The following ADAM10 variants were observed in gnomAD, a reference collection of about 807,000 sequenced individuals.
ADAM10 encodes the protein ADAM metallopeptidase domain 10, also known as disintegrin and metalloproteinase domain-containing protein 10.
A neutral mutation model predicts 90.1 loss-of-function variants in ADAM10; 17 were observed. The observed-to-expected ratio is 0.19, with a 90% CI of 0.13 to 0.28. The LOEUF (loss-of-function observed/expected upper bound fraction) is 0.28, where lower values mean the gene tolerates loss of function less well. ADAM10 is among the 10% of genes least tolerant of loss of function. The pLI, the probability that ADAM10 is intolerant of heterozygous loss-of-function variation, is 1.00. For missense variants in ADAM10, 610 were observed against 914.3 expected (o/e 0.67, Z 4.29); for synonymous variants, 310 against 298.6 (o/e 1.04, Z -0.40).
rs543003722 is a variant in ADAM10, at chr15:58,592,769, A to G, written c.*4778T>C. On this transcript the variant is annotated 3_prime_UTR_variant, in exon 16 of 16. Coordinates refer to ENST00000260408, the MANE Select transcript of ADAM10 (RefSeq NM_001110.4). ...TCTGATTTAATATATATATATATAT[A>G]TATTAAATCGTGGTAGTATAACTTG... The G allele has an allele frequency of 6.7e-5, 10 of 150,138 alleles. No individual in the cohort carries two copies. Among genetic ancestry groups the G allele is most frequent in the African/African-American group, 2.2e-4 (9 of 41,190 alleles). The allele number at this position is 150,138 out of a possible 1,614,324, so 9.3% of individuals were successfully genotyped here.
chr15:58,629,068 T>C (rs1177115692), intron 9 of ADAM10, among the ~76,000 whole-genome samples: 2 of 152,242 alleles, frequency 1.3e-5, no homozygotes, highest in Non-Finnish European at 2.9e-5. Flanking sequence ...AGCACTAGAA[T>C]TATTCTCAGC....
chr15:58,665,601 T>TA (rs1897060177), intron 4 of ADAM10, among the ~76,000 whole-genome samples: 1 of 152,064 alleles, frequency 6.6e-6, no homozygotes, highest in South Asian at 2.1e-4. Context: ...CTAGCAAATA[T>TA]AAAAGAGAAC....
At chr15:58,648,753 GTTATAATATTAC>G (rs1896615270) in intron 5 of ADAM10, among the ~76,000 whole-genome samples, 2 of 151,960 alleles carry the variant, frequency 1.3e-5, no homozygotes, top group Non-Finnish European at 2.9e-5. Context: ...ATATTCTGAA[GTTATAATATTAC>G]GGACATACAA....
chr15:58,706,575 A>T (rs78119311), intron 2 of ADAM10, among the ~76,000 whole-genome samples: 7,621 of 152,158 alleles, frequency 0.05, 652 homozygotes, highest in African/African-American at 0.17. Context: ...TTTTCAAGTT[A>T]TCATAGGGAA....
chr15:58,738,634 A>G (rs1264609400), intron 1 of ADAM10, among the ~76,000 whole-genome samples: 1 of 152,222 alleles, frequency 6.6e-6, no homozygotes, highest in African/African-American at 2.4e-5. Context: ...GCTGGCTCAG[A>G]AGTCTAAGTA....
chr15:58,651,872 G>A (rs1465697193), intron 5 of ADAM10, among the ~76,000 whole-genome samples: 1 of 152,132 alleles, frequency 6.6e-6, no homozygotes, highest in African/African-American at 2.4e-5. Flanking sequence ...CCAACAGTGT[G>A]TGGCGGTTTC....
intron 8 of ADAM10, 94 bp downstream of exon 8, chr15:58,640,683 T>G: frequency 1.7e-6 from 2 of 1,204,554 alleles, no homozygotes; most frequent in Non-Finnish European, 2.4e-6. Context: ...TATACAGGCA[T>G]CACTTTCTCC....
chr15:58,745,953 T>C (rs189004491), intron 1 of ADAM10, among the ~76,000 whole-genome samples: 1 of 152,320 alleles, frequency 6.6e-6, no homozygotes, highest in South Asian at 2.1e-4. Flanking sequence ...AATTTTTCAA[T>C]GTTAATCATT....
intron 1 of ADAM10, among the ~76,000 whole-genome samples, chr15:58,744,272 G>C (rs964888141): frequency 6.6e-6 from 1 of 151,894 alleles, no homozygotes; most frequent in East Asian, 1.9e-4. Context: ...CAGGGAGAAA[G>C]AAAAAACTAC....
At position 58,593,027 on chromosome 15, in the gene ADAM10, G is replaced by T. The variant is rs28584993; in HGVS notation, c.*4520C>A. ...AAACATACATCCACAGAAATATTTA[G>T]AGTAGTTAATGTGATATACATTATC... On this transcript the variant is annotated 3_prime_UTR_variant, in exon 16 of 16. Coordinates refer to ENST00000260408, the MANE Select transcript of ADAM10 (RefSeq NM_001110.4). 1.3e-5 allele frequency: 2 copies of T among 149,200 alleles called. No homozygotes were observed. The highest frequency in any genetic ancestry group is 1.9e-4 in the East Asian group (1 of 5,156). The allele number at this position is 149,200 out of a possible 1,614,324, so 9.2% of individuals were successfully genotyped here. A position where few individuals can be genotyped will look rare whatever the true frequency, so the allele number is the denominator to read the frequency against.
At chr15:58,628,724 C>CA (rs769404985) in intron 9 of ADAM10, among the ~76,000 whole-genome samples, 8 of 151,908 alleles carry the variant, frequency 5.3e-5, no homozygotes, top group Non-Finnish European at 1.2e-4. Flanking sequence ...TCAGAAGGGG[C>CA]AAAAAACACT....
chr15:58,698,597 A>G (rs1461077326), intron 2 of ADAM10, among the ~76,000 whole-genome samples: 2 of 150,506 alleles, frequency 1.3e-5, no homozygotes, highest in Non-Finnish European at 3.0e-5. Flanking sequence ...AAAAAGATAG[A>G]CAGATATCAT....
At chr15:58,666,360 G>C (rs1366446286) in intron 4 of ADAM10, among the ~76,000 whole-genome samples, 1 of 151,494 alleles carries the variant, frequency 6.6e-6, no homozygotes, top group African/African-American at 2.4e-5. Context: ...AGCTGAATGA[G>C]GCTAAAGAAA....
intron 3 of ADAM10, among the ~76,000 whole-genome samples, chr15:58,680,858 C>A (rs1364178640): frequency 6.6e-6 from 1 of 151,904 alleles, no homozygotes; most frequent in Non-Finnish European, 1.5e-5. Context: ...CCTCTCTGTC[C>A]CCCAGGCTAT....
rs763299842 is a variant in ADAM10 at position 58,590,061 on chromosome 15, C to T, written c.*7486G>A. ...TATCAGTGCCCAGTATATAACCAAT[C>T]GACATTATTAAAAATTCTATGTAAT... is the stretch of plus-strand genomic sequence containing the variant. On this transcript the variant is annotated 3_prime_UTR_variant, in exon 16 of 16. Transcript: ENST00000260408. The T allele has an allele frequency of 2.6e-5, 4 of 152,170 alleles. No homozygotes were observed. Among genetic ancestry groups the T allele is most frequent in the African/African-American group, 4.8e-5 (2 of 41,448 alleles). 9.4% of individuals were successfully genotyped at this position (152,170 alleles called of 1,614,324 possible). A position where few individuals can be genotyped will look rare whatever the true frequency, so the allele number is the denominator to read the frequency against.
intron 5 of ADAM10, among the ~76,000 whole-genome samples, chr15:58,658,980 T>C (rs944180399): frequency 3.9e-5 from 6 of 152,068 alleles, no homozygotes; most frequent in Non-Finnish European, 8.8e-5. Context: ...TGAGTAGAAG[T>C]TTTTATTCCT....
rs200130281 is a variant in ADAM10, at chr15:58,641,004, G to A, written c.829-44C>T. ...ATTTAGTAAGTAATTAATGTTAGCAGAGCTTTAGTGTGAATGTCTGCTCAC... is the reference window on the plus strand; with the variant it reads ...ATTTAGTAAGTAATTAATGTTAGCAAAGCTTTAGTGTGAATGTCTGCTCAC... On this transcript the variant is annotated intron_variant, in intron 7 of 15. Transcript: ENST00000260408. 25 of 1,550,480 alleles carry A rather than the reference G, an allele frequency of 1.6e-5. No homozygotes were observed. The East Asian group carries it at 2.9e-4, about 18-fold the overall frequency.
At position 58,726,567 on chromosome 15, in the gene ADAM10, CAAA is replaced by C. The variant is rs71116593; in HGVS notation, c.56-8843_56-8841del. Among the ~76,000 whole-genome samples, 4 of 20,774 alleles carry C rather than the reference CAAA, an allele frequency of 1.9e-4. No individual in the cohort carries two copies. In the Admixed American group the frequency reaches 3.4e-3, roughly 17 times the overall value. 13.6% of individuals were successfully genotyped at this position (20,774 alleles called of 152,430 possible). ...GCGACAGAGCGAGACCTCAGTCTCC[CAAA>C]AAAAAAAAAAAAAAAAAAAAAAGTA... On this transcript the variant is annotated intron_variant, in intron 1 of 15. Coordinates refer to ENST00000260408, the MANE Select transcript of ADAM10 (RefSeq NM_001110.4).
At chr15:58,703,238 T>C (rs793417) in intron 2 of ADAM10, among the ~76,000 whole-genome samples, 5,246 of 148,554 alleles carry the variant, frequency 0.035, 100 homozygotes, top group Middle Eastern at 0.054. Flanking sequence ...AACTGCAGTA[T>C]ATATTGCCTT....
Sources: gnomAD v4.1 joint callset for allele counts (sites outside exome capture counted in the v4.1 genomes callset) on GRCh38, gnomAD v4.1.1 for gene constraint, MANE v1.5 for transcripts, NCBI Gene and HGNC (gene_info 2026-07-23, HGNC 2026-07-21) for gene names.